The following CFAP20DC variants were observed in gnomAD, a reference collection of about 807,000 sequenced individuals.
CFAP20DC encodes protein CFAP20DC.
Under a neutral mutation model 101.7 loss-of-function variants are expected in CFAP20DC, and 84 were observed. The observed-to-expected ratio is 0.83, with a 90% CI of 0.69 to 0.99. The LOEUF (loss-of-function observed/expected upper bound fraction) is 0.99. Among genes scored for constraint, CFAP20DC ranks in the 50% least tolerant of loss-of-function variants. CFAP20DC has a pLI of 0.00. For synonymous variants in CFAP20DC, 359 were observed against 351.2 expected, an observed-to-expected ratio of 1.02 and a Z score of -0.25; for missense variants, 1,007 against 970.3, an observed-to-expected ratio of 1.04 and a Z score of -0.50.
chr3:58,809,204 A>G, intron 14 of CFAP20DC, among the ~76,000 whole-genome samples: 1 of 152,124 alleles, frequency 6.6e-6, no homozygotes, highest in Admixed American at 6.5e-5. Flanking sequence ...AAGCGGACCT[A>G]ATAGACATCT....
intron 13 of CFAP20DC, among the ~76,000 whole-genome samples, chr3:58,843,132 C>T (rs1003129413): frequency 2.7e-4 from 41 of 152,314 alleles, no homozygotes; most frequent in Non-Finnish European, 4.6e-4. Context: ...GAACACAGTT[C>T]CTCACCAGCA....
At position 58,913,687 on chromosome 3, in the gene CFAP20DC, T is replaced by G; in HGVS notation, c.550+21A>C. The G allele has an allele frequency of 6.2e-7, 1 of 1,612,650 alleles. No individual in the cohort carries two copies. Among genetic ancestry groups the G allele is most frequent in the Non-Finnish European group, 8.5e-7 (1 of 1,178,960 alleles). On this transcript the variant is annotated intron_variant, in intron 6 of 16. Coordinates refer to ENST00000482387, the MANE Select transcript of CFAP20DC (RefSeq NM_001394063.1). This position sits in a 1 kb window ranked among gnomAD's most constrained non-coding sequence, Gnocchi z 4.4. ...AAATACATCAGAGAATTAAAAAATC[T>G]TGATAGCAACCTGAACATACCATCC...
intron 6 of CFAP20DC, among the ~76,000 whole-genome samples, chr3:58,907,648 T>G (rs1333407084): frequency 6.6e-6 from 1 of 152,178 alleles, no homozygotes; most frequent in Non-Finnish European, 1.5e-5. Flanking sequence ...GTGGGAACAT[T>G]ACTCCATGTC....
intron 4 of CFAP20DC, among the ~76,000 whole-genome samples, chr3:59,011,259 A>G (rs187489679): frequency 5.8e-4 from 89 of 152,166 alleles, no homozygotes; most frequent in African/African-American, 2.0e-3. Context: ...TTAGCTGGGC[A>G]TAGTGGTGCA....
At chr3:59,028,331 G>A (rs1185268115) in intron 4 of CFAP20DC, among the ~76,000 whole-genome samples, 1 of 152,094 alleles carries the variant, frequency 6.6e-6, no homozygotes, top group East Asian at 1.9e-4. Context: ...ACAAAATAAA[G>A]ATTTCAGTAA....
At chr3:58,952,302 C>T (rs1025177157) in intron 4 of CFAP20DC, among the ~76,000 whole-genome samples, 1 of 152,146 alleles carries the variant, frequency 6.6e-6, no homozygotes, top group Non-Finnish European at 1.5e-5. Flanking sequence ...TTTTAAATTG[C>T]ATGCTGCTCT....
chr3:58,736,947 T>C (rs549043767), intron 3 of CFAP20DC, among the ~76,000 whole-genome samples: 2 of 152,206 alleles, frequency 1.3e-5, no homozygotes, highest in Non-Finnish European at 2.9e-5. Context: ...CTAAATTACA[T>C]TAAAACCACG....
chr3:58,787,687 T>G (rs1002890770), intron 15 of CFAP20DC, among the ~76,000 whole-genome samples: 1 of 152,048 alleles, frequency 6.6e-6, no homozygotes. Flanking sequence ...AAGATGCACA[T>G]GCATGTTTAT....
intron 14 of CFAP20DC, among the ~76,000 whole-genome samples, chr3:58,818,782 C>T: frequency 8.3e-6 from 1 of 119,866 alleles, no homozygotes; most frequent in Non-Finnish European, 1.7e-5. Flanking sequence ...AGCTCTGCAC[C>T]AAGCGGACCT....
intron 4 of CFAP20DC, among the ~76,000 whole-genome samples, chr3:58,979,771 T>G (rs1044032925): frequency 6.6e-6 from 1 of 152,140 alleles, no homozygotes; most frequent in Non-Finnish European, 1.5e-5. Flanking sequence ...CCTAAAGAAG[T>G]GCCTTCACAA....
rs867001266 is a variant in CFAP20DC, at chr3:58,861,059, A to G, written c.1593+2499T>C. On this transcript the variant is annotated intron_variant, in intron 12 of 16. Coordinates refer to ENST00000482387, the MANE Select transcript of CFAP20DC (RefSeq NM_001394063.1). This position sits in a 1 kb window ranked among gnomAD's most constrained non-coding sequence, Gnocchi z 4.0. ...AACACTAAGATCTCAGATGTGAATT[A>G]ATGATTAGCAACTTCAATTACAATG... is the stretch of plus-strand genomic sequence containing the variant. Among the ~76,000 whole-genome samples, 7 of 152,192 alleles carry G rather than the reference A, an allele frequency of 4.6e-5. No homozygotes were observed. In the South Asian group the frequency reaches 8.3e-4, roughly 18 times the overall value.
At chr3:58,818,229 C>T (rs1056439478) in intron 14 of CFAP20DC, among the ~76,000 whole-genome samples, 1 of 151,784 alleles carries the variant, frequency 6.6e-6, no homozygotes, top group Admixed American at 6.6e-5. Context: ...GAAACTGCAT[C>T]GACTAATGAG....
chr3:58,814,919 A>G (rs2074988710), intron 14 of CFAP20DC, among the ~76,000 whole-genome samples: 1 of 150,666 alleles, frequency 6.6e-6, no homozygotes, highest in Admixed American at 6.6e-5. Context: ...TATCGTGAAA[A>G]TGGCCATACT....
intron 6 of CFAP20DC, among the ~76,000 whole-genome samples, chr3:58,890,058 A>G (rs1576157604): frequency 6.7e-6 from 1 of 150,018 alleles, no homozygotes; most frequent in Admixed American, 6.6e-5. Flanking sequence ...GTTCTCAATG[A>G]GCTGTTGGGC....
intron 16 of CFAP20DC, among the ~76,000 whole-genome samples, chr3:58,752,692 G>A (rs1044120584): frequency 1.8e-4 from 27 of 152,012 alleles, no homozygotes; most frequent in African/African-American, 6.0e-4. Flanking sequence ...AATTTGAGGG[G>A]CATAATCTAT....
rs571806265 is a variant in CFAP20DC, at chr3:59,015,574, G to A, written c.278+23983C>T. 5.3e-5 allele frequency among the ~76,000 whole-genome samples: 8 copies of A among 151,970 alleles called. No individual in the cohort carries two copies. The South Asian group carries it at 1.7e-3, about 32-fold the overall frequency. Reference sequence around the variant, plus strand: ...AAAGAGGAAGGAGGAGGGTTGGAGGGTGGAGGAGGAAGAAGGGCTATAGAT... The same window carrying A: ...AAAGAGGAAGGAGGAGGGTTGGAGGATGGAGGAGGAAGAAGGGCTATAGAT... On this transcript the variant is annotated intron_variant, in intron 4 of 16. Coordinates refer to ENST00000482387, the MANE Select transcript of CFAP20DC (RefSeq NM_001394063.1). The surrounding 1 kb of genome is among the most constrained non-coding windows in gnomAD (Gnocchi z 5.4).
chr3:58,978,703 A>G (rs2092389755), intron 4 of CFAP20DC, among the ~76,000 whole-genome samples: 1 of 143,892 alleles, frequency 6.9e-6, no homozygotes, highest in Admixed American at 7.0e-5. Flanking sequence ...GAGAGAGACT[A>G]TCTCCCTGTC....
rs116305574 is a variant in CFAP20DC, at chr3:58,792,032, T to C, written c.2237+14363A>G. On this transcript the variant is annotated intron_variant, in intron 15 of 16. Coordinates refer to ENST00000482387, the MANE Select transcript of CFAP20DC (RefSeq NM_001394063.1). ...TTTGGGGAACAGTGTCAGTAACTAC[T>C]ATAGACAATAAATCTTCAAGGATGT... Among the ~76,000 whole-genome samples the C allele has an allele frequency of 2.2e-3, 330 of 152,302 alleles. 3 individuals are homozygous for C. Among genetic ancestry groups the C allele is most frequent in the African/African-American group, 7.6e-3 (315 of 41,578 alleles).
At chr3:58,889,195 C>T (rs574260242) in intron 6 of CFAP20DC, among the ~76,000 whole-genome samples, 3 of 152,268 alleles carry the variant, frequency 2.0e-5, no homozygotes, top group Admixed American at 6.5e-5. Context: ...ATTTCAAGGG[C>T]CGACTAGACA....
Sources: gnomAD v4.1 joint callset for allele counts (sites outside exome capture counted in the v4.1 genomes callset) on GRCh38, gnomAD v4.1.1 for gene constraint, Gnocchi (gnomAD v3.1) non-coding constraint, MANE v1.5 for transcripts, NCBI Gene and HGNC (gene_info 2026-07-23, HGNC 2026-07-21) for gene names.